Variants in PPHLN1 observed in about 807,000 individuals in gnomAD.
The protein encoded by PPHLN1 is periphilin-1.
PPHLN1 carries 29 observed loss-of-function variants against 51.3 expected under a neutral mutation model. The ratio of observed to expected loss-of-function variants is 0.57; its 90% confidence interval spans 0.42 to 0.77. PPHLN1 has a LOEUF of 0.77. Ranked by LOEUF, PPHLN1 falls within the 30% of genes least tolerant of loss-of-function variation. The probability of loss-of-function intolerance (pLI) is 0.00; values close to 1 mark genes in which losing one functional copy is unlikely to be tolerated. For synonymous variants in PPHLN1, 147 were observed against 147.8 expected (o/e 0.99, Z 0.04); for missense variants, 436 against 438.4 (o/e 0.99, Z 0.05).
intron 9 of PPHLN1, among the ~76,000 whole-genome samples, chr12:42,435,485 C>T (rs1442170004): frequency 1.3e-5 from 2 of 152,120 alleles, no homozygotes; most frequent in African/African-American, 4.8e-5. Context: ...GCACAAGCAG[C>T]AACATAGATT....
chr12:42,337,683 C>T (rs550026874), intron 2 of PPHLN1, among the ~76,000 whole-genome samples: 12 of 151,810 alleles, frequency 7.9e-5, no homozygotes, highest in Admixed American at 2.0e-4. Flanking sequence ...CTCTACTTCC[C>T]GGGTTCAAGC....
At chr12:42,357,355 A>G (rs1304725633) in intron 4 of PPHLN1, among the ~76,000 whole-genome samples, 2 of 152,242 alleles carry the variant, frequency 1.3e-5, no homozygotes, top group African/African-American at 2.4e-5. Flanking sequence ...GTGAAGACTC[A>G]AGATACCATA....
chr12:42,413,522 G>GTA (rs201793537), intron 9 of PPHLN1, among the ~76,000 whole-genome samples: 3 of 131,658 alleles, frequency 2.3e-5, no homozygotes, highest in Non-Finnish European at 4.8e-5. Flanking sequence ...CTATATATAT[G>GTA]TATATGTGTG....
At position 42,355,191 on chromosome 12, in the gene PPHLN1, G is replaced by C; in HGVS notation, c.268G>C (p.Asp90His). 1 of 1,613,648 alleles carries C rather than the reference G, an allele frequency of 6.2e-7. No individual in the cohort carries two copies. The highest frequency in any genetic ancestry group is 8.5e-7 in the Non-Finnish European group (1 of 1,179,780). ...ATCTGGTTATAGATGGACAAGAGAC[G>C]ATCATTCTGCAAGCAGGCAACCTGA... ...DESGYRWTRD[D>H]HSASRQPEYR... The change falls in exon 4 of 10, where the codon GAT becomes CAT. Residue 90 changes from aspartate to histidine, a missense_variant. Physicochemically the swap from Asp to His is moderately conservative, Grantham distance 81. Transcript: ENST00000358314.
At chr12:42,422,022 C>T (rs539685127) in intron 9 of PPHLN1, among the ~76,000 whole-genome samples, 11 of 152,200 alleles carry the variant, frequency 7.2e-5, no homozygotes, top group African/African-American at 2.4e-4. Context: ...TTGGTTAGGT[C>T]TGTGCTAGTG....
chr12:42,431,427 CT>C (rs995697569), intron 9 of PPHLN1, among the ~76,000 whole-genome samples: 13 of 151,992 alleles, frequency 8.6e-5, no homozygotes, highest in Non-Finnish European at 1.6e-4. Flanking sequence ...TAGCCAGCAA[CT>C]TTTTTTTAAT....
chr12:42,346,185 T>C (rs942630377), intron 2 of PPHLN1, among the ~76,000 whole-genome samples: 2 of 152,178 alleles, frequency 1.3e-5, no homozygotes, highest in Admixed American at 6.5e-5. Flanking sequence ...TCTAGACTTA[T>C]TCATCTTACT....
At position 42,370,591 on chromosome 12, in the gene PPHLN1, GC is replaced by G. The variant is rs552769246; in HGVS notation, c.300-4271del. On this transcript the variant is annotated intron_variant, in intron 4 of 9. Coordinates refer to ENST00000358314, the MANE Select transcript of PPHLN1 (RefSeq NM_201439.2). ...TTTACCATTAACATTTTTGTGTCTTGCGTTATCAGTTTCCCCTTTTATAGTG... is the reference window on the plus strand; with the variant it reads ...TTTACCATTAACATTTTTGTGTCTTGGTTATCAGTTTCCCCTTTTATAGTG... Among the ~76,000 whole-genome samples the G allele has an allele frequency of 1.4e-4, 22 of 151,978 alleles. 1 individual carries two copies. Among genetic ancestry groups the G allele is most frequent in the African/African-American group, 5.3e-4 (22 of 41,432 alleles).
chr12:42,392,282 G>A (rs1394071309), intron 7 of PPHLN1, among the ~76,000 whole-genome samples: 1 of 152,126 alleles, frequency 6.6e-6, no homozygotes. Context: ...ACTTTGAGCA[G>A]GTCACCATCA....
chr12:42,397,867 G>T (rs1245696022), intron 8 of PPHLN1, among the ~76,000 whole-genome samples: 1 of 151,996 alleles, frequency 6.6e-6, no homozygotes, highest in East Asian at 1.9e-4. Flanking sequence ...GGGATTACAG[G>T]CACCTGCCAC....
intron 2 of PPHLN1, among the ~76,000 whole-genome samples, chr12:42,336,297 C>T (rs935577160): frequency 1.3e-5 from 2 of 152,142 alleles, no homozygotes; most frequent in Non-Finnish European, 2.9e-5. Context: ...GTACCTGCTC[C>T]TGCTGTTATT....
intron 9 of PPHLN1, among the ~76,000 whole-genome samples, chr12:42,401,554 C>T (rs995438617): frequency 5.9e-5 from 9 of 151,952 alleles, no homozygotes; most frequent in Non-Finnish European, 1.3e-4. Flanking sequence ...ACCTCCTCAG[C>T]TCTACTGCTT....
At chr12:42,369,931 A>G (rs546239386) in intron 4 of PPHLN1, among the ~76,000 whole-genome samples, 5 of 152,124 alleles carry the variant, frequency 3.3e-5, no homozygotes, top group South Asian at 2.1e-4. Context: ...TCTCTATCCA[A>G]TCTGCCTCTG....
intron 9 of PPHLN1, among the ~76,000 whole-genome samples, chr12:42,419,365 C>A (rs1227615425): frequency 1.3e-5 from 2 of 149,388 alleles, no homozygotes; most frequent in African/African-American, 2.5e-5. Flanking sequence ...CCTCAGCCTC[C>A]CGAATAACTG....
chr12:42,380,167 T>C (rs1201821168), intron 5 of PPHLN1, among the ~76,000 whole-genome samples: 1 of 152,112 alleles, frequency 6.6e-6, no homozygotes, highest in Non-Finnish European at 1.5e-5. Context: ...TACCTCTCTG[T>C]TAATTCATTC....
At chr12:42,353,591 T>C (rs2073674866) in intron 3 of PPHLN1, among the ~76,000 whole-genome samples, 1 of 152,236 alleles carries the variant, frequency 6.6e-6, no homozygotes, top group Non-Finnish European at 1.5e-5. Flanking sequence ...TTTTATTTTA[T>C]TCAGCTTTTG....
chr12:42,350,469 T>C (rs1305506032), intron 2 of PPHLN1, among the ~76,000 whole-genome samples: 1 of 148,620 alleles, frequency 6.7e-6, no homozygotes, highest in East Asian at 2.0e-4. Context: ...GAGGCGCTCC[T>C]CACTTCCCAG....
chr12:42,367,821 G>A lies in PPHLN1; in HGVS notation c.300-7042G>A, dbSNP rs111985802. Among the ~76,000 whole-genome samples, 47 of 152,138 alleles carry A rather than the reference G, an allele frequency of 3.1e-4. 1 individual carries two copies. The highest frequency in any genetic ancestry group is 6.5e-4 in the African/African-American group (27 of 41,512). On this transcript the variant is annotated intron_variant, in intron 4 of 9. Coordinates refer to ENST00000358314, the MANE Select transcript of PPHLN1 (RefSeq NM_201439.2). The stretch of plus-strand genomic sequence containing the variant: ...GTGATCTTGGCTCACTGTAACCTCC[G>A]CCTCCTGGATTCAAGCCATTCTCCT...
chr12:42,446,727 G>A, downstream of PPHLN1: 1 of 1,417,814 alleles, frequency 7.1e-7, no homozygotes, highest in Non-Finnish European at 9.6e-7. Context: ...AGGTTGGTAG[G>A]AGAAGCTATA....
Sources: gnomAD v4.1 joint callset for allele counts (sites outside exome capture counted in the v4.1 genomes callset) on GRCh38, gnomAD v4.1.1 for gene constraint, MANE v1.5 for transcripts, NCBI Gene and HGNC (gene_info 2026-07-23, HGNC 2026-07-21) for gene names.